Variants in ABLIM1 observed in about 807,000 individuals in gnomAD.
The protein encoded by ABLIM1 is actin binding LIM protein 1.
Under a neutral mutation model 107.0 loss-of-function variants are expected in ABLIM1, and 40 were observed. That is an observed-to-expected ratio of 0.37 (90% CI 0.29 to 0.49). ABLIM1 has a LOEUF of 0.49. Among genes scored for constraint, ABLIM1 ranks in the 20% least tolerant of loss-of-function variants. ABLIM1 has a pLI of 0.97. For synonymous variants in ABLIM1, 357 were observed against 357.3 expected (o/e 1.00, Z 0.01); for missense variants, 857 against 1,008.5 (o/e 0.85, Z 2.04).
At chr10:114,573,361 A>G (rs578154407) in intron 3 of ABLIM1, among the ~76,000 whole-genome samples, 23 of 152,336 alleles carry the variant, frequency 1.5e-4, no homozygotes, top group Non-Finnish European at 2.8e-4. Context: ...TAACTTCTCA[A>G]CTAAAAAGGA....
chr10:114,770,459 GATA>G (rs979944412), upstream of ABLIM1, among the ~76,000 whole-genome samples: 2 of 152,054 alleles, frequency 1.3e-5, no homozygotes, highest in African/African-American at 4.8e-5. Flanking sequence ...TTCTCAACAA[GATA>G]ATATGTTTCC....
chr10:114,523,461 T>A (rs1225208756), intron 6 of ABLIM1, among the ~76,000 whole-genome samples: 1 of 152,158 alleles, frequency 6.6e-6, no homozygotes, highest in African/African-American at 2.4e-5. Context: ...CTTAAAGAGG[T>A]GGTAAATACC....
intron 1 of ABLIM1, among the ~76,000 whole-genome samples, chr10:114,681,619 T>C (rs760607643): frequency 5.3e-5 from 8 of 152,212 alleles, no homozygotes; most frequent in Non-Finnish European, 1.2e-4. Context: ...CTACGCCACT[T>C]CAATTCACAT....
At chr10:114,704,344 T>C (rs1214784688) in intron 1 of ABLIM1, among the ~76,000 whole-genome samples, 10 of 96,952 alleles carry the variant, frequency 1.0e-4, no homozygotes, top group African/African-American at 3.6e-4. Context: ...ATTGCGCGCG[T>C]TACATCTGTG....
At chr10:114,638,783 C>T (rs1260273688) in intron 1 of ABLIM1, among the ~76,000 whole-genome samples, 2 of 152,150 alleles carry the variant, frequency 1.3e-5, no homozygotes, top group Non-Finnish European at 2.9e-5. Flanking sequence ...AATCCTTTTT[C>T]CAGATACCTT....
At chr10:114,767,946 C>A in intron 1 of ABLIM1, 1 of 345,102 alleles carries the variant, frequency 2.9e-6, no homozygotes, top group Non-Finnish European at 5.8e-6. Flanking sequence ...CGGGGATCCG[C>A]TGCCAAAGTT....
chr10:114,769,422 G>GAAAGAAA (rs1491588873), upstream of ABLIM1, among the ~76,000 whole-genome samples: 55 of 51,872 alleles, frequency 1.1e-3, 3 homozygotes, highest in East Asian at 6.0e-3. Context: ...AAGAAAAGAA[G>GAAAGAAA]GAAAGAAAGA....
In ABLIM1 at chr10:114,576,143, T is replaced by C. The variant is rs139253181; in HGVS notation, c.380-544A>G. ...GTAAATAGAATAAGCCAATTATTTA[T>C]ATATTATAGAGAGATAAAAAACAAA... On this transcript the variant is annotated intron_variant, in intron 2 of 22. Coordinates refer to ENST00000533213, the MANE Select transcript of ABLIM1 (RefSeq NM_002313.7). 1.3e-4 allele frequency among the ~76,000 whole-genome samples: 20 copies of C among 152,318 alleles called. 1 individual carries two copies. The East Asian group carries it at 2.7e-3, about 21-fold the overall frequency.
At chr10:114,505,992 T>A (rs2061077874) in intron 6 of ABLIM1, among the ~76,000 whole-genome samples, 1 of 152,164 alleles carries the variant, frequency 6.6e-6, no homozygotes, top group Admixed American at 6.5e-5. Context: ...AACTGATGGG[T>A]AGTTTTTCAA....
chr10:114,793,557 T>G, the ABLIM1 span, among the ~76,000 whole-genome samples: 1 of 152,194 alleles, frequency 6.6e-6, no homozygotes, highest in Non-Finnish European at 1.5e-5. Context: ...TTTATGCTGA[T>G]AGTGCAGCAT....
intron 4 of ABLIM1, among the ~76,000 whole-genome samples, chr10:114,553,059 G>A (rs73359069): frequency 6.6e-6 from 1 of 151,760 alleles, no homozygotes; most frequent in Non-Finnish European, 1.5e-5. Flanking sequence ...CTCAGCCTGG[G>A]CACCTATGTT....
intron 5 of ABLIM1, among the ~76,000 whole-genome samples, chr10:114,546,145 T>G (rs1397953159): frequency 6.6e-6 from 1 of 151,948 alleles, no homozygotes; most frequent in African/African-American, 2.4e-5. Flanking sequence ...TTATATCCTG[T>G]GTGTGATTGC....
intron 1 of ABLIM1, chr10:114,631,867 T>G (rs1187537734): frequency 7.7e-7 from 1 of 1,302,594 alleles, no homozygotes; most frequent in South Asian, 1.2e-5. Flanking sequence ...TTCCAACTTC[T>G]GCAACCATGC....
chr10:114,693,600 G>A (rs1010347908), intron 1 of ABLIM1, among the ~76,000 whole-genome samples: 7 of 152,002 alleles, frequency 4.6e-5, no homozygotes. Flanking sequence ...CAGGTAGGGT[G>A]TTGTTGCTGA....
At chr10:114,596,303 G>T (rs1336818762) in intron 2 of ABLIM1, among the ~76,000 whole-genome samples, 2 of 152,130 alleles carry the variant, frequency 1.3e-5, no homozygotes, top group East Asian at 3.8e-4. Context: ...TTGCTTACTT[G>T]TACGTCTCTT....
chr10:114,509,001 C>A lies in ABLIM1; in HGVS notation c.895-17123G>T, dbSNP rs147711020. 2.9e-3 allele frequency among the ~76,000 whole-genome samples: 442 copies of A among 152,294 alleles called. 4 individuals are homozygous for A. Among genetic ancestry groups the A allele is most frequent in the African/African-American group, 9.9e-3 (410 of 41,560 alleles). ...ATCATGAGATAGGAACATCAAGTTA[C>A]CATTACTATCCCCATGTTACAGATG... On this transcript the variant is annotated intron_variant, in intron 6 of 22. Transcript: ENST00000533213.
In ABLIM1 at chr10:114,465,723, G is replaced by A. The variant is rs745677557; in HGVS notation, c.1416C>T (p.Arg472=). ...CAGGTCTGTGGAAATGCTGGGGAGA[G>A]CGGGACGTGGTTGGAGTGTAGCTGT... ...SRHSYTPTTS[R]SPQHFHRPGN... Residue 472 remains arginine, a synonymous_variant, in exon 12 of 23, where the codon CGC becomes CGT. Coordinates refer to ENST00000533213, the MANE Select transcript of ABLIM1 (RefSeq NM_002313.7). The A allele has an allele frequency of 3.7e-6, 6 of 1,614,156 alleles. No homozygotes were observed. In the South Asian group the frequency reaches 5.5e-5, roughly 15 times the overall value.
At position 114,564,437 on chromosome 10, in the gene ABLIM1, G is replaced by A. The variant is rs371926942; in HGVS notation, c.673+6860C>T. ...GTGCAAGAACACCTAGCTAATGTTT[G>A]TATTTTTTTTTTTTTAATAGAGATG... On this transcript the variant is annotated intron_variant, in intron 4 of 22. Coordinates refer to ENST00000533213, the MANE Select transcript of ABLIM1 (RefSeq NM_002313.7). Among the ~76,000 whole-genome samples the A allele has an allele frequency of 4.4e-3, 597 of 135,448 alleles. 6 individuals are homozygous for A. The highest frequency in any genetic ancestry group is 0.018 in the African/African-American group (578 of 31,616). The allele number at this position is 135,448 out of a possible 152,430, so 88.9% of individuals were successfully genotyped here.
At chr10:114,692,359 A>G (rs948698256) in intron 1 of ABLIM1, among the ~76,000 whole-genome samples, 1 of 152,222 alleles carries the variant, frequency 6.6e-6, no homozygotes, top group African/African-American at 2.4e-5. Flanking sequence ...CCTCCTTTCA[A>G]CTTTTGTCTC....
Sources: allele counts gnomAD v4.1 joint callset (sites outside exome capture counted in the v4.1 genomes callset), GRCh38; gene constraint gnomAD v4.1.1; transcripts MANE v1.5; gene names NCBI Gene and HGNC (gene_info 2026-07-23, HGNC 2026-07-21).